Variants in LEPR observed in about 807,000 individuals in gnomAD.
LEPR encodes the protein OB receptor.
In LEPR, 56 loss-of-function variants were observed where a neutral mutation model predicts 114.7. The ratio of observed to expected loss-of-function variants is 0.49; its 90% confidence interval spans 0.39 to 0.61. The LOEUF is 0.61. Ranked by LOEUF, LEPR falls within the 20% of genes least tolerant of loss-of-function variation. The pLI is 0.00. For missense variants in LEPR, 1,202 were observed against 1,352.9 expected (o/e 0.89, Z 1.75); for synonymous variants, 443 against 461.4 (o/e 0.96, Z 0.51).
At chr1:65,525,966 C>T (rs770667099) in intron 2 of LEPR, 20 of 780,290 alleles carry the variant, frequency 2.6e-5, no homozygotes, top group Non-Finnish European at 3.1e-5. Context: ...TTAGCGGGAC[C>T]ACCAGAGGGG....
chr1:65,557,814 T>TA (rs1431949513), intron 2 of LEPR, among the ~76,000 whole-genome samples: 9 of 152,228 alleles, frequency 5.9e-5, no homozygotes, highest in Non-Finnish European at 1.3e-4. Context: ...CTATGTCAGA[T>TA]ACCACCTTTC....
chr1:65,615,774 A>G (rs1014427143), intron 14 of LEPR, among the ~76,000 whole-genome samples: 2 of 152,152 alleles, frequency 1.3e-5, no homozygotes, highest in African/African-American at 4.8e-5. Flanking sequence ...AAAAACCTCA[A>G]AAAGGGGAAA....
At chr1:65,588,149 A>G (rs954366584) in intron 5 of LEPR, among the ~76,000 whole-genome samples, 1 of 152,040 alleles carries the variant, frequency 6.6e-6, no homozygotes, top group Non-Finnish European at 1.5e-5. Flanking sequence ...CTCTTATTCT[A>G]TAGTCACTTC....
chr1:65,501,759 AGT>A (rs576820168), intron 2 of LEPR, among the ~76,000 whole-genome samples: 3 of 152,090 alleles, frequency 2.0e-5, no homozygotes, highest in Non-Finnish European at 4.4e-5. Context: ...AAAATTTGGC[AGT>A]GTCAAATATG....
At chr1:65,572,158 A>C (rs866410201) in intron 4 of LEPR, among the ~76,000 whole-genome samples, 168 bp from the exon 5 acceptor site, 21 of 151,854 alleles carry the variant, frequency 1.4e-4, no homozygotes, top group Middle Eastern at 6.4e-3. Context: ...GGGCAAACGC[A>C]TGCCACTAGT....
chr1:65,503,892 T>G lies in LEPR; in HGVS notation c.-20-61654T>G, dbSNP rs149743085. Among the ~76,000 whole-genome samples the G allele has an allele frequency of 5.8e-3, 888 of 151,936 alleles. 6 individuals carry two copies. The highest frequency in any genetic ancestry group is 0.02 in the African/African-American group (841 of 41,450). On this transcript the variant is annotated intron_variant, in intron 2 of 19. Transcript: ENST00000349533. ...AGGATACACCTAACAAGTCAGATCT[T>G]TGTTTCTAATACTATTTGTTCCAAT...
chr1:65,433,651 T>C (rs1646518791), intron 2 of LEPR: 1 of 985,208 alleles, frequency 1.0e-6, no homozygotes, highest in African/African-American at 1.7e-5. Flanking sequence ...GATTTTATGT[T>C]TTCAGTGTCC....
intron 2 of LEPR, among the ~76,000 whole-genome samples, chr1:65,519,105 C>CTG (rs1649492626): frequency 1.9e-5 from 2 of 105,286 alleles, no homozygotes. Context: ...CTCTGTGTCT[C>CTG]TCTCTCCTTC....
intron 2 of LEPR, among the ~76,000 whole-genome samples, chr1:65,488,192 CTTTCTTTCTTTCTTTCTT>C (rs1289531267): frequency 2.4e-4 from 5 of 20,524 alleles, no homozygotes; most frequent in Admixed American, 5.6e-4. Context: ...TTCTTTCTTT[CTTTCTTTCTTTCTTTCTT>C]TCTCTCTCTC....
At chr1:65,570,871 G>T in intron 4 of LEPR, 69 bp downstream of exon 4, 1 of 1,292,562 alleles carries the variant, frequency 7.7e-7, no homozygotes. Context: ...GTATGAAATA[G>T]ATGTCTTATG....
intron 2 of LEPR, among the ~76,000 whole-genome samples, chr1:65,443,293 C>G (rs1646672557): frequency 6.6e-6 from 1 of 152,040 alleles, no homozygotes; most frequent in South Asian, 2.1e-4. Flanking sequence ...GTGGCTTAAG[C>G]CAATAATCCC....
intron 2 of LEPR, among the ~76,000 whole-genome samples, chr1:65,527,875 T>G (rs1162467188): frequency 2.0e-5 from 3 of 152,166 alleles, no homozygotes; most frequent in Admixed American, 2.0e-4. Flanking sequence ...CAGGGAATCG[T>G]AGAACTCAAA....
chr1:65,576,155 G>C, intron 5 of LEPR: 1 of 175,028 alleles, frequency 5.7e-6, no homozygotes, highest in Non-Finnish European at 1.2e-5. Context: ...TTGTGAGGAG[G>C]AGCCATCACA....
At chr1:65,558,549 G>GT (rs1189982161) in intron 2 of LEPR, among the ~76,000 whole-genome samples, 187 of 9,118 alleles carry the variant, frequency 0.021, 5 homozygotes, top group African/African-American at 0.072. Context: ...TTTTTTTTTT[G>GT]TTTTTTTTTT....
intron 5 of LEPR, among the ~76,000 whole-genome samples, chr1:65,586,515 C>T (rs549646694): frequency 6.6e-6 from 1 of 151,392 alleles, no homozygotes; most frequent in South Asian, 2.1e-4. Flanking sequence ...AGCTATTCAA[C>T]TCTGTGCTTG....
chr1:65,607,047 C>T (rs1656859883), intron 11 of LEPR, among the ~76,000 whole-genome samples: 1 of 151,958 alleles, frequency 6.6e-6, no homozygotes, highest in South Asian at 2.1e-4. Flanking sequence ...TTAAGTTTTC[C>T]CTGTGAATCA....
rs573467238 is a variant in LEPR at position 65,569,281 on chromosome 1, A to G, written c.41-1192A>G. 3.3e-5 allele frequency among the ~76,000 whole-genome samples: 5 copies of G among 152,378 alleles called. No individual in the cohort carries two copies. The South Asian group carries it at 1.0e-3, about 32-fold the overall frequency. On this transcript the variant is annotated intron_variant, in intron 3 of 19. Coordinates refer to ENST00000349533, the MANE Select transcript of LEPR (RefSeq NM_002303.6). ...ACTCTTCAAAATTCTCATTTCATAC[A>G]AATCCATACAAGATTCTCAGAATTC...
At chr1:65,619,822 T>C (rs1048793829) in intron 16 of LEPR, 106 bp from the exon 17 acceptor site, 1 of 914,194 alleles carries the variant, frequency 1.1e-6, no homozygotes, top group Non-Finnish European at 1.7e-6. Context: ...GTAATTTCTA[T>C]GTTTGGAAAT....
chr1:65,552,648 A>G (rs186370626), intron 2 of LEPR, among the ~76,000 whole-genome samples: 17 of 152,182 alleles, frequency 1.1e-4, no homozygotes, highest in African/African-American at 3.4e-4. Context: ...CAGCACACTG[A>G]TGGGTCGTGA....
Sources: gnomAD v4.1 joint callset for allele counts (sites outside exome capture counted in the v4.1 genomes callset) on GRCh38, gnomAD v4.1.1 for gene constraint, MANE v1.5 for transcripts, NCBI Gene and HGNC (gene_info 2026-07-23, HGNC 2026-07-21) for gene names.